Variants in AKR1C1 observed in about 807,000 individuals in gnomAD.
AKR1C1 encodes the protein 20 alpha-hydroxysteroid dehydrogenase.
AKR1C1 carries 32 observed loss-of-function variants against 40.6 expected under a neutral mutation model. The ratio of observed to expected loss-of-function variants is 0.79; its 90% confidence interval spans 0.60 to 1.06. The LOEUF (loss-of-function observed/expected upper bound fraction) is 1.06. AKR1C1 is among the 50% of genes least tolerant of loss of function. The probability of loss-of-function intolerance (pLI) is 0.00; values close to 1 mark genes in which losing one functional copy is unlikely to be tolerated. For synonymous variants in AKR1C1, 105 were observed against 134.2 expected, an observed-to-expected ratio of 0.78 and a Z score of 1.50; for missense variants, 320 against 363.5, an observed-to-expected ratio of 0.88 and a Z score of 0.97.
At chr10:4,968,721 C>A in intron 4 of AKR1C1, 101 bp from the exon 5 acceptor site, 1 of 1,565,374 alleles carries the variant, frequency 6.4e-7, no homozygotes, top group Non-Finnish European at 8.7e-7. Context: ...TTAAGAACCA[C>A]GGCTAGCTAG....
At chr10:4,972,522 G>C (rs1297350983) in intron 6 of AKR1C1, 62 bp from the exon 7 acceptor site, 21 of 1,610,382 alleles carry the variant, frequency 1.3e-5, no homozygotes, top group East Asian at 2.2e-5. Flanking sequence ...TCTGTTTAGG[G>C]AGCCGCCTAA....
At position 4,981,859 on chromosome 10, in the gene AKR1C1, G is replaced by T. The variant is rs77045180; in HGVS notation, c.*4117G>T. The T allele has an allele frequency of 0.015, 2,214 of 152,354 alleles. 27 individuals carry two copies. Among genetic ancestry groups the T allele is most frequent in the Admixed American group, 0.02 (307 of 15,304 alleles). The allele number at this position is 152,354 out of a possible 1,614,324, so 9.4% of individuals were successfully genotyped here. Reference sequence around the variant, plus strand: ...TTGTGGGCAGACCGGGAGGGATGTGGCCTGAAAGCCATGGTTATTATCTCA... The same window carrying T: ...TTGTGGGCAGACCGGGAGGGATGTGTCCTGAAAGCCATGGTTATTATCTCA... On this transcript the variant is annotated 3_prime_UTR_variant, in exon 9 of 9. Coordinates refer to ENST00000380872, the MANE Select transcript of AKR1C1 (RefSeq NM_001353.6).
chr10:4,974,353 T>C (rs1554770246), intron 7 of AKR1C1, among the ~76,000 whole-genome samples: 1 of 151,920 alleles, frequency 6.6e-6, no homozygotes, highest in East Asian at 1.9e-4. Context: ...TTAAATGTAT[T>C]CTTGAAATAA....
In AKR1C1 at chr10:4,981,806, T is replaced by C; in HGVS notation, c.*4064T>C. The stretch of plus-strand genomic sequence containing the variant: ...GGGAGAGCTGGAAGTGCATGGCAGA[T>C]ATGAGCACAGAAGCTGGGTGTCCAG... On this transcript the variant is annotated 3_prime_UTR_variant, in exon 9 of 9. Transcript: ENST00000380872. 1 of 152,316 alleles carries C rather than the reference T, an allele frequency of 6.6e-6. No individual in the cohort carries two copies. Among genetic ancestry groups the C allele is most frequent in the Non-Finnish European group, 1.5e-5 (1 of 68,052 alleles). 9.4% of individuals were successfully genotyped at this position (152,316 alleles called of 1,614,324 possible). A position where few individuals can be genotyped will look rare whatever the true frequency, so the allele number is the denominator to read the frequency against.
Position 4,979,285 on chromosome 10 carries a change from A to G in AKR1C1, c.*1543A>G, listed in dbSNP as rs1235209912. The G allele has an allele frequency of 2.0e-5, 3 of 152,200 alleles. No homozygotes were observed. Among genetic ancestry groups the G allele is most frequent in the Admixed American group, 6.5e-5 (1 of 15,280 alleles). 9.4% of individuals were successfully genotyped at this position (152,200 alleles called of 1,614,324 possible). A position where few individuals can be genotyped will look rare whatever the true frequency, so the allele number is the denominator to read the frequency against. Reference sequence around the variant, plus strand: ...ATATTCTCTGCATTAAATATTAAATATCACTTCTAGGCTGAAAAATCCCCC... The same window carrying G: ...ATATTCTCTGCATTAAATATTAAATGTCACTTCTAGGCTGAAAAATCCCCC... On this transcript the variant is annotated 3_prime_UTR_variant, in exon 9 of 9. Coordinates refer to ENST00000380872, the MANE Select transcript of AKR1C1 (RefSeq NM_001353.6).
At chr10:4,964,347 T>C (rs1836296393) in intron 1 of AKR1C1, among the ~76,000 whole-genome samples, 1 of 152,204 alleles carries the variant, frequency 6.6e-6, no homozygotes, top group Non-Finnish European at 1.5e-5. Flanking sequence ...AAGGGACATT[T>C]TGAAGACCAT....
chr10:4,971,046 T>C (rs1240261976), intron 5 of AKR1C1, among the ~76,000 whole-genome samples: 1 of 152,070 alleles, frequency 6.6e-6, no homozygotes, highest in Non-Finnish European at 1.5e-5. Flanking sequence ...ACTAGTAATC[T>C]GCTGGGGGAT....
intron 5 of AKR1C1, chr10:4,969,766 T>G (rs1836394939): frequency 6.2e-7 from 1 of 1,607,114 alleles, no homozygotes; most frequent in South Asian, 1.1e-5. Context: ...TACACACATT[T>G]CAGCATTAAA....
At chr10:4,977,033 G>C (rs1173474975) in intron 8 of AKR1C1, among the ~76,000 whole-genome samples, 1 of 152,178 alleles carries the variant, frequency 6.6e-6, no homozygotes. Flanking sequence ...GAGCTTCCAA[G>C]TGTTTGCTCT....
Position 4,964,641 on chromosome 10 carries a change from C to A in AKR1C1, c.84+1113C>A, listed in dbSNP as rs187053210. ...TTCAAATCTGTATCCAAATTTGTTA[C>A]GTAAGTCAATAATTGTAAATTTCAC... is the stretch of plus-strand genomic sequence containing the variant. On this transcript the variant is annotated intron_variant, in intron 1 of 8. Coordinates refer to ENST00000380872, the MANE Select transcript of AKR1C1 (RefSeq NM_001353.6). Among the ~76,000 whole-genome samples, 596 of 152,282 alleles carry A rather than the reference C, an allele frequency of 3.9e-3. 3 individuals are homozygous for A. The highest frequency in any genetic ancestry group is 6.4e-3 in the Non-Finnish European group (434 of 68,010).
Position 4,965,859 on chromosome 10 carries a change from G to C in AKR1C1, c.85-55G>C, listed in dbSNP as rs114865600. Reference sequence around the variant, plus strand: ...TTTGTGAACGTCGCTACTTGTGCCTGAACTAACTCTCAGGCACATTAGTCA... The same window carrying C: ...TTTGTGAACGTCGCTACTTGTGCCTCAACTAACTCTCAGGCACATTAGTCA... On this transcript the variant is annotated intron_variant, in intron 1 of 8. Transcript: ENST00000380872. The C allele has an allele frequency of 2.8e-3, 4,478 of 1,572,712 alleles. 109 individuals are homozygous for C. In the African/African-American group the frequency reaches 0.053, roughly 19 times the overall value.
intron 8 of AKR1C1, among the ~76,000 whole-genome samples, chr10:4,976,864 T>C (rs1836533523): frequency 6.6e-6 from 1 of 152,220 alleles, no homozygotes; most frequent in Non-Finnish European, 1.5e-5. Flanking sequence ...TTTATTCATT[T>C]AGAGGAAAAT....
At position 4,966,962 on chromosome 10, in the gene AKR1C1, A is replaced by T; in HGVS notation, c.288A>T (p.Arg96=). 6.2e-7 allele frequency: 1 copy of T among 1,613,844 alleles called. No homozygotes were observed. Among genetic ancestry groups the T allele is most frequent in the Non-Finnish European group, 8.5e-7 (1 of 1,179,794 alleles). ...ATTCCCATCGACCAGAGTTGGTCCG[A>T]CCAGCCTTGGAAAGGTCACTGAAAA... ...WCNSHRPELV[R]PALERSLKNL... Residue 96 remains arginine, a synonymous_variant, in exon 3 of 9, where the codon CGA becomes CGT. Coordinates refer to ENST00000380872, the MANE Select transcript of AKR1C1 (RefSeq NM_001353.6).
chr10:4,969,626 T>G (rs777490503), intron 5 of AKR1C1: 9 of 1,594,428 alleles, frequency 5.6e-6, no homozygotes, highest in Admixed American at 1.7e-5. Flanking sequence ...GAGTCTGTCA[T>G]GCAATCAGCT....
intron 5 of AKR1C1, among the ~76,000 whole-genome samples, chr10:4,970,850 A>G (rs1340572090): frequency 7.9e-5 from 12 of 151,090 alleles, no homozygotes; most frequent in African/African-American, 2.9e-4. Flanking sequence ...TGGGAGATAT[A>G]CCTAATGCTA....
At chr10:4,972,843 C>T in intron 7 of AKR1C1, 94 bp downstream of exon 7, 1 of 1,491,066 alleles carries the variant, frequency 6.7e-7, no homozygotes, top group Non-Finnish European at 9.0e-7. Context: ...TGGGCCAGCT[C>T]CATTTCCCTG....
intron 2 of AKR1C1, 138 bp downstream of exon 2, chr10:4,966,219 A>T (rs1208183987): frequency 2.9e-5 from 41 of 1,431,294 alleles, no homozygotes; most frequent in Non-Finnish European, 3.7e-5. Context: ...TCATGTATTA[A>T]AACTAATATC....
chr10:4,964,000 T>C (rs377521010), intron 1 of AKR1C1: 357 of 739,680 alleles, frequency 4.8e-4, no homozygotes, highest in Middle Eastern at 1.1e-3. Context: ...AGAGAATTTC[T>C]CATGTACTAT....
intron 7 of AKR1C1, among the ~76,000 whole-genome samples, chr10:4,974,516 A>T (rs1205091211): frequency 5.3e-5 from 8 of 152,048 alleles, no homozygotes; most frequent in Non-Finnish European, 7.4e-5. Flanking sequence ...ATCACAATAT[A>T]TTACTGTGTT....
Sources: allele counts gnomAD v4.1 joint callset (sites outside exome capture counted in the v4.1 genomes callset), GRCh38; gene constraint gnomAD v4.1.1; transcripts MANE v1.5; gene names NCBI Gene and HGNC (gene_info 2026-07-23, HGNC 2026-07-21).